The following TNFAIP6 variants were observed in gnomAD, a reference collection of about 807,000 sequenced individuals.
The protein encoded by TNFAIP6 is tumor necrosis factor-inducible gene 6 protein.
In TNFAIP6, 36 loss-of-function variants were observed where a neutral mutation model predicts 33.7. The ratio of observed to expected loss-of-function variants is 1.07; its 90% CI spans 0.82 to 1.41. The LOEUF is 1.41. TNFAIP6 is among the 40% of genes most tolerant of loss of function. TNFAIP6 has a pLI of 0.00. For missense variants in TNFAIP6, 273 were observed against 331.9 expected, an observed-to-expected ratio of 0.82 and a Z score of 1.38; for synonymous variants, 113 against 112.8, an observed-to-expected ratio of 1.00 and a Z score of -0.01.
intron 1 of TNFAIP6, among the ~76,000 whole-genome samples, chr2:151,362,320 A>G (rs556970420): frequency 3.9e-5 from 6 of 152,218 alleles, no homozygotes; most frequent in Admixed American, 3.3e-4. Flanking sequence ...TATGTGAACT[A>G]AAAAAGACAA....
At chr2:151,375,749 T>C (rs1480073922) in intron 5 of TNFAIP6, among the ~76,000 whole-genome samples, 1 of 152,136 alleles carries the variant, frequency 6.6e-6, no homozygotes, top group Non-Finnish European at 1.5e-5. Flanking sequence ...CTATTAACAT[T>C]TTGATCTGGT....
chr2:151,380,378 G>A (rs934074447), downstream of TNFAIP6, among the ~76,000 whole-genome samples: 1 of 151,484 alleles, frequency 6.6e-6, no homozygotes, highest in East Asian at 1.9e-4. Context: ...TTACTTTAAT[G>A]GTTCTTTAAA....
At chr2:151,361,234 C>T (rs1573777838) in intron 1 of TNFAIP6, among the ~76,000 whole-genome samples, 2 of 152,084 alleles carry the variant, frequency 1.3e-5, no homozygotes, top group East Asian at 3.9e-4. Flanking sequence ...ACCACCACAC[C>T]CGGCTAATCT....
chr2:151,367,002 A>G (rs989189334), intron 3 of TNFAIP6, among the ~76,000 whole-genome samples: 1 of 152,182 alleles, frequency 6.6e-6, no homozygotes, highest in Non-Finnish European at 1.5e-5. Context: ...AGTATGTTAC[A>G]AAGTCTTCCT....
At chr2:151,373,869 A>G (rs1684855520) in intron 5 of TNFAIP6, 1 of 217,946 alleles carries the variant, frequency 4.6e-6, no homozygotes, top group South Asian at 1.8e-4. Flanking sequence ...ATATTGCTAT[A>G]GTTTATGATT....
chr2:151,364,956 G>A (rs573870925), intron 2 of TNFAIP6, among the ~76,000 whole-genome samples: 1 of 152,244 alleles, frequency 6.6e-6, no homozygotes, highest in South Asian at 2.1e-4. Flanking sequence ...GCTCTTGGTG[G>A]CATTGACAGA....
At chr2:151,367,448 T>C (rs1684731898) in intron 3 of TNFAIP6, among the ~76,000 whole-genome samples, 1 of 152,140 alleles carries the variant, frequency 6.6e-6, no homozygotes, top group South Asian at 2.1e-4. Context: ...TGCAGACCAC[T>C]CTTTTTTACT....
chr2:151,377,492 TG>T (rs1214948173), intron 5 of TNFAIP6, among the ~76,000 whole-genome samples: 52 of 151,880 alleles, frequency 3.4e-4, no homozygotes, highest in Non-Finnish European at 1.3e-4. Context: ...TTTGTTTGTT[TG>T]TTTGTTTGTT....
chr2:151,366,493 C>G (rs1684712236), intron 3 of TNFAIP6, among the ~76,000 whole-genome samples: 1 of 152,130 alleles, frequency 6.6e-6, no homozygotes, highest in African/African-American at 2.4e-5. Context: ...AATTAAGTAA[C>G]CCCAAATCAG....
intron 4 of TNFAIP6, among the ~76,000 whole-genome samples, chr2:151,373,184 G>A (rs2152017502): frequency 6.6e-6 from 1 of 150,908 alleles, no homozygotes; most frequent in Admixed American, 6.6e-5. Flanking sequence ...CAGGTGTGGT[G>A]CATGCCTGTA....
intron 1 of TNFAIP6, 95 bp from the exon 2 acceptor site, chr2:151,363,848 A>C (rs1172246524): frequency 8.8e-6 from 13 of 1,479,158 alleles, no homozygotes; most frequent in East Asian, 4.8e-5. Flanking sequence ...TGGCAGGAAC[A>C]ATAGCTGTTG....
At chr2:151,365,196 AG>A (rs1684689654) in intron 2 of TNFAIP6, among the ~76,000 whole-genome samples, 1 of 152,196 alleles carries the variant, frequency 6.6e-6, no homozygotes, top group African/African-American at 2.4e-5. Context: ...TTAAAAAATT[AG>A]CCAGGTGTGG....
chr2:151,370,987 C>T (rs985002510), intron 4 of TNFAIP6, among the ~76,000 whole-genome samples: 1 of 151,932 alleles, frequency 6.6e-6, no homozygotes, highest in Non-Finnish European at 1.5e-5. Flanking sequence ...AGGAGAATCA[C>T]TTGAACCCGG....
chr2:151,362,480 CTTTTTTTTTTTT>C (rs34640251), intron 1 of TNFAIP6, among the ~76,000 whole-genome samples: 1,470 of 56,950 alleles, frequency 0.026, 117 homozygotes, highest in Admixed American at 0.23. Context: ...TTACTAAATT[CTTTTTTTTTTTT>C]TTTTTTTTTT....
Position 151,366,134 on chromosome 2 carries a change from G to C in TNFAIP6, c.311G>C (p.Gly104Ala), listed in dbSNP as rs753884537. 1.6e-5 allele frequency: 26 copies of C among 1,614,014 alleles called. No homozygotes were observed. The East Asian group carries it at 4.9e-4, about 30-fold the overall frequency. Reference sequence around the variant, plus strand: ...ATTGTGAAGCCAGGGCCCAACTGTGGATTTGGAAAAACTGGCATTATTGAT... The same window carrying C: ...ATTGTGAAGCCAGGGCCCAACTGTGCATTTGGAAAAACTGGCATTATTGAT... Reference protein sequence around the residue: ...YPIVKPGPNCGFGKTGIIDYG... With the variant: ...YPIVKPGPNCAFGKTGIIDYG... The change falls in exon 3 of 6, where the codon GGA (glycine) becomes GCA (alanine). Residue 104 changes from glycine (G) to alanine (A), a missense_variant. Transcript: ENST00000243347.
At chr2:151,375,160 C>T (rs1477677830) in intron 5 of TNFAIP6, among the ~76,000 whole-genome samples, 3 of 142,646 alleles carry the variant, frequency 2.1e-5, no homozygotes, top group East Asian at 2.1e-4. Flanking sequence ...TGAAATTTTA[C>T]ATTTTCCTTT....
At chr2:151,358,565 T>C (rs1417031190) in intron 1 of TNFAIP6, among the ~76,000 whole-genome samples, 1 of 151,658 alleles carries the variant, frequency 6.6e-6, no homozygotes, top group Non-Finnish European at 1.5e-5. Flanking sequence ...TGTTTAATAG[T>C]AAAAAAAAAT....
intron 3 of TNFAIP6, 30 bp downstream of exon 3, chr2:151,366,247 G>T: frequency 6.2e-7 from 1 of 1,602,972 alleles, no homozygotes; most frequent in African/African-American, 1.3e-5. Flanking sequence ...TTTATGTTTT[G>T]CAAAAACAGT....
chr2:151,364,052 C>T lies in TNFAIP6; in HGVS notation c.204C>T (p.Tyr68=), dbSNP rs763538732. ...CEFEGGHLAT[Y]KQLEAARKIG... ...TTGAAGGCGGCCATCTCGCAACTTA[C>T]AAGCAGCTAGAGGCAGCCAGAAAAA... The change falls in exon 2 of 6, where the codon TAC becomes TAT. Residue 68 remains tyrosine (Y), a synonymous_variant. Transcript: ENST00000243347. The T allele has an allele frequency of 6.2e-6, 10 of 1,614,088 alleles. No homozygotes were observed. In the Middle Eastern group the frequency reaches 4.9e-4, roughly 80 times the overall value.
Sources: allele counts gnomAD v4.1 joint callset (sites outside exome capture counted in the v4.1 genomes callset), GRCh38; gene constraint gnomAD v4.1.1; transcripts MANE v1.5; gene names NCBI Gene and HGNC (gene_info 2026-07-23, HGNC 2026-07-21).